The following GSG1L variants were observed in gnomAD, a reference collection of about 807,000 sequenced individuals.
GSG1L encodes the protein GSG1 like.
In GSG1L, 24 loss-of-function variants were observed where a neutral mutation model predicts 42.1. The observed-to-expected ratio is 0.57, with a 90% CI of 0.41 to 0.80. GSG1L has a LOEUF of 0.80. Among genes scored for constraint, GSG1L ranks in the 30% least tolerant of loss-of-function variants. GSG1L has a pLI of 0.00. For synonymous variants in GSG1L, 215 were observed against 203.5 expected, an observed-to-expected ratio of 1.06 and a Z score of -0.48; for missense variants, 445 against 472.2, an observed-to-expected ratio of 0.94 and a Z score of 0.53.
chr16:27,953,103 T>C (rs1766182971), intron 2 of GSG1L, among the ~76,000 whole-genome samples: 1 of 152,240 alleles, frequency 6.6e-6, no homozygotes, highest in Non-Finnish European at 1.5e-5. Context: ...TCTTTTCTTT[T>C]TCTTTTAGAA....
At chr16:27,834,828 CT>C (rs1359662602) in intron 4 of GSG1L, among the ~76,000 whole-genome samples, 3 of 152,174 alleles carry the variant, frequency 2.0e-5, no homozygotes, top group African/African-American at 7.2e-5. Context: ...CTCTGTCACT[CT>C]TGCAAGAGGT....
rs76336205 is a variant in GSG1L at position 28,009,734 on chromosome 16, C to T, written c.350-46531G>A. 7.1e-3 allele frequency among the ~76,000 whole-genome samples: 1,076 copies of T among 152,314 alleles called. 69 individuals are homozygous for T. The East Asian group carries it at 0.13, about 19-fold the overall frequency. On this transcript the variant is annotated intron_variant, in intron 1 of 6. Coordinates refer to ENST00000447459, the MANE Select transcript of GSG1L (RefSeq NM_001109763.2). ...TGGCCTTGGGTCGGCAAGCCTAGAACGGAGTCCCACAGTGGGTGACCCTGA... is the reference window on the plus strand; with the variant it reads ...TGGCCTTGGGTCGGCAAGCCTAGAATGGAGTCCCACAGTGGGTGACCCTGA...
intron 1 of GSG1L, among the ~76,000 whole-genome samples, chr16:28,009,752 G>C (rs2085691174): frequency 6.6e-6 from 1 of 152,224 alleles, no homozygotes; most frequent in Admixed American, 6.5e-5. Flanking sequence ...CACAGTGGGT[G>C]ACCCTGAGGG....
At chr16:27,935,597 G>A (rs540061007) in intron 2 of GSG1L, among the ~76,000 whole-genome samples, 205 of 152,136 alleles carry the variant, frequency 1.3e-3, no homozygotes, top group Admixed American at 2.8e-3. Flanking sequence ...CTGCCTCAAG[G>A]CAGCTGTGAA....
Position 27,884,389 on chromosome 16 carries a change from T to C in GSG1L, c.550+97A>G. 6 of 1,153,926 alleles carry C rather than the reference T, an allele frequency of 5.2e-6. No homozygotes were observed. The highest frequency in any genetic ancestry group is 2.1e-4 in the Middle Eastern group (1 of 4,788). 71.5% of individuals were successfully genotyped at this position (1,153,926 alleles called of 1,614,324 possible). A position where few individuals can be genotyped will look rare whatever the true frequency, so the allele number is the denominator to read the frequency against. ...AGGCTCACAGAAGAGAAGCAATTTG[T>C]CCAATGCCTCCCGGTTGGTACAACC... On this transcript the variant is annotated intron_variant, in intron 3 of 6. Coordinates refer to ENST00000447459, the MANE Select transcript of GSG1L (RefSeq NM_001109763.2). The surrounding 1 kb of genome is among the most constrained non-coding windows in gnomAD (Gnocchi z 4.4).
At chr16:27,826,961 C>A (rs1406881367) in intron 5 of GSG1L, among the ~76,000 whole-genome samples, 1 of 152,156 alleles carries the variant, frequency 6.6e-6, no homozygotes, top group African/African-American at 2.4e-5. Flanking sequence ...GTGGCCTGAT[C>A]CTGAGGCACT....
intron 6 of GSG1L, 31 bp downstream of exon 6, chr16:27,807,456 C>T (rs769878553): frequency 1.1e-5 from 17 of 1,585,130 alleles, no homozygotes; most frequent in Admixed American, 1.7e-5. Flanking sequence ...ATGAATCTGT[C>T]GTAGCAGATA....
chr16:28,054,150 T>G (rs1236665684), intron 1 of GSG1L, among the ~76,000 whole-genome samples: 1 of 152,152 alleles, frequency 6.6e-6, no homozygotes, highest in Non-Finnish European at 1.5e-5. Context: ...ATGCACACTC[T>G]GGGAGGCCAG....
chr16:27,806,887 A>T (rs1032315252), intron 6 of GSG1L, among the ~76,000 whole-genome samples: 1 of 152,204 alleles, frequency 6.6e-6, no homozygotes, highest in African/African-American at 2.4e-5. Context: ...GAGATCAGGC[A>T]TGAAAAGCCC....
chr16:28,006,101 G>C (rs1468794549), intron 1 of GSG1L, among the ~76,000 whole-genome samples: 1 of 152,062 alleles, frequency 6.6e-6, no homozygotes, highest in African/African-American at 2.4e-5. Context: ...GACGGGGTGG[G>C]GGGTCCCCAG....
At chr16:28,056,841 T>C (rs1025781870) in intron 1 of GSG1L, among the ~76,000 whole-genome samples, 4 of 152,032 alleles carry the variant, frequency 2.6e-5, no homozygotes, top group Non-Finnish European at 4.4e-5. Context: ...GCAGTGGGTA[T>C]GACCTCGATC....
chr16:28,031,670 A>G (rs2141175888), intron 1 of GSG1L, among the ~76,000 whole-genome samples: 1 of 152,326 alleles, frequency 6.6e-6, no homozygotes, highest in Non-Finnish European at 1.5e-5. Flanking sequence ...TGCCTACTTT[A>G]AGTTCTCAGA....
At chr16:28,061,436 GC>G (rs371815218) in intron 1 of GSG1L, among the ~76,000 whole-genome samples, 213 of 152,224 alleles carry the variant, frequency 1.4e-3, no homozygotes, top group African/African-American at 4.9e-3. Context: ...CTGACAAACG[GC>G]CAGCCTGGCT....
At chr16:27,886,918 A>G (rs532954284) in intron 2 of GSG1L, among the ~76,000 whole-genome samples, 130 of 152,110 alleles carry the variant, frequency 8.5e-4, no homozygotes, top group African/African-American at 3.1e-3. Context: ...GGGAAAGAGA[A>G]GCTCTCTGTC....
At chr16:27,892,253 G>A (rs1165988606) in intron 2 of GSG1L, among the ~76,000 whole-genome samples, 2 of 152,008 alleles carry the variant, frequency 1.3e-5, no homozygotes, top group African/African-American at 4.8e-5. Flanking sequence ...CCAGGAGTTC[G>A]AGACCAGCCT....
chr16:27,991,396 T>C (rs994231261), intron 1 of GSG1L, among the ~76,000 whole-genome samples: 1 of 152,060 alleles, frequency 6.6e-6, no homozygotes, highest in African/African-American at 2.4e-5. Context: ...GTGTGCATTA[T>C]ATTTCTTTTT....
intron 1 of GSG1L, among the ~76,000 whole-genome samples, chr16:27,993,696 C>T (rs2085479513): frequency 6.6e-6 from 1 of 152,128 alleles, no homozygotes; most frequent in African/African-American, 2.4e-5. Context: ...TGAATTCTTT[C>T]AAGCAAAAGA....
At chr16:27,852,179 C>T (rs192812376) in intron 3 of GSG1L, among the ~76,000 whole-genome samples, 26 of 152,360 alleles carry the variant, frequency 1.7e-4, no homozygotes, top group Admixed American at 2.6e-4. Flanking sequence ...TAAATATTCT[C>T]GTAGATGCTG....
At chr16:27,854,423 T>C (rs1361226914) in intron 3 of GSG1L, among the ~76,000 whole-genome samples, 2 of 152,038 alleles carry the variant, frequency 1.3e-5, no homozygotes, top group Non-Finnish European at 2.9e-5. Flanking sequence ...ACTATGCAGA[T>C]ATGAGCAGGG....
Sources: allele counts gnomAD v4.1 joint callset (sites outside exome capture counted in the v4.1 genomes callset), GRCh38; gene constraint gnomAD v4.1.1; non-coding constraint Gnocchi (gnomAD v3.1); transcripts MANE v1.5; gene names NCBI Gene and HGNC (gene_info 2026-07-23, HGNC 2026-07-21).